The following ATP10B variants were observed in gnomAD, a reference collection of about 807,000 sequenced individuals.
ATP10B encodes ATPase phospholipid transporting 10B (putative), also known as phospholipid-transporting ATPase VB.
A neutral mutation model predicts 141.2 loss-of-function variants in ATP10B; 122 were observed. That is an observed-to-expected ratio of 0.86 (90% confidence interval 0.75 to 1.00). The LOEUF (loss-of-function observed/expected upper bound fraction) is 1.00. Ranked by LOEUF, ATP10B falls within the 50% of genes least tolerant of loss-of-function variation. The pLI, the probability that ATP10B is intolerant of heterozygous loss-of-function variation, is 0.00. For missense variants in ATP10B, 1,876 were observed against 1,825.3 expected, an observed-to-expected ratio of 1.03 and a Z score of -0.51; for synonymous variants, 685 against 692.0, an observed-to-expected ratio of 0.99 and a Z score of 0.16.
At chr5:160,803,547 A>G (rs952832738) in intron 1 of ATP10B, among the ~76,000 whole-genome samples, 2 of 152,050 alleles carry the variant, frequency 1.3e-5, no homozygotes, top group African/African-American at 4.8e-5. Flanking sequence ...GTGGTGGTGC[A>G]TGCCTGTAAT....
rs370422299 is a variant in ATP10B at position 160,776,669 on chromosome 5, A to C, written c.-331+8890T>G. Among the ~76,000 whole-genome samples, 5 of 152,336 alleles carry C rather than the reference A, an allele frequency of 3.3e-5. No individual in the cohort carries two copies. The East Asian group carries it at 7.7e-4, about 24-fold the overall frequency. On this transcript the variant is annotated intron_variant, in intron 2 of 25. Coordinates refer to ENST00000327245, the MANE Select transcript of ATP10B (RefSeq NM_025153.3). ...CTCTGGGATAAAGCAGGAACTCAAA[A>C]TGTAGCCTCTGCTACTGCTTTTGTT...
Position 160,687,890 on chromosome 5 carries a change from A to G in ATP10B, c.185T>C (p.Val62Ala), listed in dbSNP as rs768078957. Residue 62 changes from valine (V) to alanine (A), a missense_variant, in exon 5 of 26, where the codon GTC becomes GCC. Coordinates refer to ENST00000327245, the MANE Select transcript of ATP10B (RefSeq NM_025153.3). ...TCTGTTGCCAGGGTATCTCCTGGAGACCTCTTCCCAATCTTGATGGAATAT... is the reference window on the plus strand; with the variant it reads ...TCTGTTGCCAGGGTATCTCCTGGAGGCCTCTTCCCAATCTTGATGGAATAT... ...NSIFHQDWEE[V>A]SRRYPGNRTC... 2.5e-6 allele frequency: 4 copies of G among 1,613,862 alleles called. No homozygotes were observed. The highest frequency in any genetic ancestry group is 1.3e-5 in the African/African-American group (1 of 74,842).
chr5:160,846,156 T>C (rs977179035), intron 1 of ATP10B, among the ~76,000 whole-genome samples: 5 of 151,710 alleles, frequency 3.3e-5, no homozygotes, highest in African/African-American at 4.9e-5. Flanking sequence ...CTGTTTACTA[T>C]TGGGTTGTAG....
At chr5:160,903,733 C>T in the ATP10B span, among the ~76,000 whole-genome samples, 1 of 152,200 alleles carries the variant, frequency 6.6e-6, no homozygotes, top group African/African-American at 2.4e-5. Context: ...TTATCTCACA[C>T]AGAAGATTAG....
chr5:160,773,737 G>T (rs1384007747), intron 2 of ATP10B, among the ~76,000 whole-genome samples: 2 of 152,160 alleles, frequency 1.3e-5, no homozygotes, highest in Non-Finnish European at 2.9e-5. Flanking sequence ...GGGTGAAAGA[G>T]TTTTAGGGCA....
chr5:160,665,967 T>C (rs1167317422), intron 7 of ATP10B, among the ~76,000 whole-genome samples: 3 of 152,190 alleles, frequency 2.0e-5, no homozygotes, highest in Admixed American at 2.0e-4. Context: ...GTTCAAAATC[T>C]CTGAGATGAT....
At chr5:160,600,461 G>T (rs1300790068) in intron 21 of ATP10B, among the ~76,000 whole-genome samples, 1 of 152,178 alleles carries the variant, frequency 6.6e-6, no homozygotes, top group Non-Finnish European at 1.5e-5. Context: ...AGCTTCCTGA[G>T]ACCTGATGTA....
chr5:160,860,156 T>G, the ATP10B span, among the ~76,000 whole-genome samples: 1 of 151,944 alleles, frequency 6.6e-6, no homozygotes, highest in Non-Finnish European at 1.5e-5. Flanking sequence ...TTTGTACACT[T>G]AAGGATAATT....
At chr5:160,595,771 C>T (rs535116255) in intron 22 of ATP10B, among the ~76,000 whole-genome samples, 2 of 68,396 alleles carry the variant, frequency 2.9e-5, no homozygotes, top group East Asian at 1.4e-3. Flanking sequence ...CACCTCTATG[C>T]AAATACACTA....
At chr5:160,607,903 A>G (rs111322231) in intron 18 of ATP10B, among the ~76,000 whole-genome samples, 3,409 of 152,282 alleles carry the variant, frequency 0.022, 117 homozygotes, top group African/African-American at 0.075. Flanking sequence ...TTTTAATAAA[A>G]TCATGGCAGA....
At chr5:160,721,612 C>T (rs1396248643) in intron 2 of ATP10B, among the ~76,000 whole-genome samples, 1 of 152,154 alleles carries the variant, frequency 6.6e-6, no homozygotes, top group African/African-American at 2.4e-5. Context: ...GAGGATGGGG[C>T]TACTGTGCTG....
At chr5:160,753,845 C>T (rs147616350) in intron 2 of ATP10B, among the ~76,000 whole-genome samples, 115 of 152,252 alleles carry the variant, frequency 7.6e-4, no homozygotes, top group African/African-American at 2.7e-3. Flanking sequence ...AAAACTGAGG[C>T]ACAGAGTGTT....
intron 1 of ATP10B, among the ~76,000 whole-genome samples, chr5:160,793,426 T>C: frequency 6.6e-6 from 1 of 152,200 alleles, no homozygotes; most frequent in East Asian, 1.9e-4. Context: ...ACCAACACTC[T>C]TCAACAATTG....
chr5:160,603,924 C>G lies in ATP10B; in HGVS notation c.3237+41G>C. ...CTCTGGATATTTCCTTGTATCTCAA[C>G]TAAGGACCAAAGAAAGAAGAATAGT... On this transcript the variant is annotated intron_variant, in intron 20 of 25. Transcript: ENST00000327245. The G allele has an allele frequency of 1.9e-6, 3 of 1,550,650 alleles. No individual in the cohort carries two copies. The Admixed American group carries it at 5.0e-5, about 26-fold the overall frequency.
chr5:160,875,326 G>A, the ATP10B span, among the ~76,000 whole-genome samples: 2 of 84,978 alleles, frequency 2.4e-5, no homozygotes, highest in African/African-American at 6.1e-5. Flanking sequence ...TTACAGACAA[G>A]CAAATGCTGA....
At chr5:160,770,134 C>G (rs1290957655) in intron 2 of ATP10B, among the ~76,000 whole-genome samples, 1 of 152,068 alleles carries the variant, frequency 6.6e-6, no homozygotes, top group Non-Finnish European at 1.5e-5. Flanking sequence ...CTGTCTCTTT[C>G]TCTCTGTGTC....
chr5:160,859,318 C>CT, the ATP10B span, among the ~76,000 whole-genome samples: 3 of 151,836 alleles, frequency 2.0e-5, no homozygotes, highest in Admixed American at 6.6e-5. Context: ...GAGAAATACT[C>CT]TGTCATTTAA....
chr5:160,844,813 G>A (rs1053537527), intron 1 of ATP10B, among the ~76,000 whole-genome samples: 110 of 152,174 alleles, frequency 7.2e-4, no homozygotes, highest in African/African-American at 2.3e-3. Flanking sequence ...CCAAAGTGCT[G>A]GGATTACAGG....
At chr5:160,823,802 C>T (rs1034110092) in intron 1 of ATP10B, among the ~76,000 whole-genome samples, 5 of 152,024 alleles carry the variant, frequency 3.3e-5, no homozygotes, top group Non-Finnish European at 7.4e-5. Flanking sequence ...GCGCTGCACT[C>T]CAGCCTGGGC....
Sources: allele counts gnomAD v4.1 joint callset (sites outside exome capture counted in the v4.1 genomes callset), GRCh38; gene constraint gnomAD v4.1.1; transcripts MANE v1.5; gene names NCBI Gene and HGNC (gene_info 2026-07-23, HGNC 2026-07-21).